SIK3: variants seen among roughly 807,000 people sequenced by gnomAD.
SIK3 encodes SIK family kinase 3.
In SIK3, 28 loss-of-function variants were observed where a neutral mutation model predicts 144.2. The ratio of observed to expected loss-of-function variants is 0.19; its 90% CI spans 0.14 to 0.27. The LOEUF is 0.27. Among genes scored for constraint, SIK3 ranks in the 10% least tolerant of loss-of-function variants. SIK3 has a pLI of 1.00. For missense variants in SIK3, 1,319 were observed against 1,776.0 expected, an observed-to-expected ratio of 0.74 and a Z score of 4.62; for synonymous variants, 686 against 676.3, an observed-to-expected ratio of 1.01 and a Z score of -0.22.
chr11:117,000,154 C>T (rs1159477314), intron 1 of SIK3, among the ~76,000 whole-genome samples: 1 of 152,114 alleles, frequency 6.6e-6, no homozygotes, highest in Non-Finnish European at 1.5e-5. Context: ...GGGCCTATTG[C>T]CCAACCTTAA....
chr11:116,990,108 G>T (rs10128624), intron 1 of SIK3, among the ~76,000 whole-genome samples: 1 of 152,132 alleles, frequency 6.6e-6, no homozygotes, highest in Non-Finnish European at 1.5e-5. Context: ...GTATTTCAGC[G>T]GGGTCGTCAT....
rs970180780 is a variant in SIK3 at position 116,867,018 on chromosome 11, A to T, written c.1952+928T>A. On this transcript the variant is annotated intron_variant, in intron 15 of 24. Transcript: ENST00000445177. The surrounding 1 kb of genome is among the most constrained non-coding windows in gnomAD (Gnocchi z 4.1). ...ATGGGTAACCAGCCTCAGTAAAAAA[A>T]ATGTGTCAAGCTTGCCAGTGCAAGC... 6.6e-6 allele frequency among the ~76,000 whole-genome samples: 1 copy of T among 152,206 alleles called. No individual in the cohort carries two copies. Among genetic ancestry groups the T allele is most frequent in the African/African-American group, 2.4e-5 (1 of 41,446 alleles).
chr11:117,074,171 A>G (rs1954401263), intron 1 of SIK3, among the ~76,000 whole-genome samples: 1 of 152,208 alleles, frequency 6.6e-6, no homozygotes, highest in Non-Finnish European at 1.5e-5. Flanking sequence ...CAATCAAACC[A>G]TAGTGCTCTG....
In SIK3 at chr11:116,961,472, T is replaced by C. The variant is rs1949345766; in HGVS notation, c.274-4408A>G. Among the ~76,000 whole-genome samples, 5 of 152,214 alleles carry C rather than the reference T, an allele frequency of 3.3e-5. No individual in the cohort carries two copies. In the South Asian group the frequency reaches 1.0e-3, roughly 31 times the overall value. Reference sequence around the variant, plus strand: ...CACAGCTACAGATTACTGAAGACTATATAATAAAGGTTTTGGTGTAAAGTA... The same window carrying C: ...CACAGCTACAGATTACTGAAGACTACATAATAAAGGTTTTGGTGTAAAGTA... On this transcript the variant is annotated intron_variant, in intron 1 of 24. Coordinates refer to ENST00000445177, the MANE Select transcript of SIK3 (RefSeq NM_001366686.3).
Position 116,966,156 on chromosome 11 carries a change from G to A in SIK3, c.274-9092C>T, listed in dbSNP as rs11607265. On this transcript the variant is annotated intron_variant, in intron 1 of 24. Coordinates refer to ENST00000445177, the MANE Select transcript of SIK3 (RefSeq NM_001366686.3). ...AAGTGGCATAATGACAAAATAGGCC[G>A]GCCTGGTGGCTCATGCTGTAATCCC... is the stretch of plus-strand genomic sequence containing the variant. 5.8e-3 allele frequency among the ~76,000 whole-genome samples: 876 copies of A among 152,196 alleles called. 11 individuals are homozygous for A. Among genetic ancestry groups the A allele is most frequent in the African/African-American group, 0.02 (837 of 41,526 alleles).
chr11:116,917,012 T>C (rs1312245164), intron 4 of SIK3, among the ~76,000 whole-genome samples: 1 of 152,026 alleles, frequency 6.6e-6, no homozygotes, highest in East Asian at 1.9e-4. Flanking sequence ...TAGAGAGCAA[T>C]GGTGTAATCA....
chr11:117,046,833 T>C (rs1374499370), intron 1 of SIK3, among the ~76,000 whole-genome samples: 6 of 152,076 alleles, frequency 3.9e-5, no homozygotes, highest in Non-Finnish European at 7.3e-5. Context: ...TGAGCCAAAA[T>C]CGCACCACTG....
At chr11:116,870,262 G>A (rs755446712) in intron 14 of SIK3, 69 bp downstream of exon 14, 104 of 1,602,122 alleles carry the variant, frequency 6.5e-5, no homozygotes, top group Non-Finnish European at 8.4e-5. Flanking sequence ...TTGGGCAGAG[G>A]TGACCTTTCG....
At chr11:117,073,594 T>C (rs184900118) in intron 1 of SIK3, among the ~76,000 whole-genome samples, 87 of 152,324 alleles carry the variant, frequency 5.7e-4, no homozygotes, top group Non-Finnish European at 9.0e-4. Flanking sequence ...GCAAGAATTA[T>C]ATGAAGTATA....
At chr11:117,027,832 G>C (rs1952084375) in intron 1 of SIK3, among the ~76,000 whole-genome samples, 1 of 152,118 alleles carries the variant, frequency 6.6e-6, no homozygotes, top group South Asian at 2.1e-4. Flanking sequence ...CAAGTGATGA[G>C]ACAATGGGAC....
chr11:116,888,197 T>C (rs1340348042), intron 6 of SIK3, among the ~76,000 whole-genome samples: 2 of 152,224 alleles, frequency 1.3e-5, no homozygotes, highest in Non-Finnish European at 1.5e-5. Context: ...TGCTGGAGTT[T>C]CTAGACCCTT....
intron 1 of SIK3, among the ~76,000 whole-genome samples, chr11:117,073,121 A>G (rs534833435): frequency 6.6e-6 from 1 of 152,330 alleles, no homozygotes; most frequent in South Asian, 2.1e-4. Flanking sequence ...ATATAGAAGG[A>G]CTTTAGAAAG....
rs532723727 is a variant in SIK3 at position 116,955,648 on chromosome 11, T to A, written c.390+1300A>T. ...AGATGATTTATTTTAAAAGGTAAGG[T>A]CAAGAAATTTATTCAGCCCATCAGG... On this transcript the variant is annotated intron_variant, in intron 2 of 24. Coordinates refer to ENST00000445177, the MANE Select transcript of SIK3 (RefSeq NM_001366686.3). Among the ~76,000 whole-genome samples, 55 of 152,204 alleles carry A rather than the reference T, an allele frequency of 3.6e-4. No homozygotes were observed. In the South Asian group the frequency reaches 8.1e-3, roughly 22 times the overall value.
chr11:116,869,319 A>G (rs1321881773), intron 14 of SIK3: 1 of 152,196 alleles, frequency 6.6e-6, no homozygotes, highest in African/African-American at 2.4e-5. Context: ...GCTCTCACAC[A>G]GAGCTACTGG....
At chr11:117,072,955 G>A (rs1269451101) in intron 1 of SIK3, among the ~76,000 whole-genome samples, 1 of 152,166 alleles carries the variant, frequency 6.6e-6, no homozygotes, top group East Asian at 1.9e-4. Flanking sequence ...CTAAGTCAAG[G>A]AGATTCTTAC....
At chr11:117,024,004 C>T (rs1305688472) in intron 1 of SIK3, among the ~76,000 whole-genome samples, 1 of 152,008 alleles carries the variant, frequency 6.6e-6, no homozygotes, top group Non-Finnish European at 1.5e-5. Flanking sequence ...TCACAAACCA[C>T]TATCTGCTCT....
At chr11:117,053,882 A>G (rs1024418522) in intron 1 of SIK3, among the ~76,000 whole-genome samples, 1 of 151,934 alleles carries the variant, frequency 6.6e-6, no homozygotes, top group African/African-American at 2.4e-5. Flanking sequence ...CCTGAGCTCA[A>G]GCAATCCTCC....
In SIK3 at chr11:116,915,153, T is replaced by TGTGTGTGTGC. The variant is rs1182331838; in HGVS notation, c.616+12065_616+12066insGCACACACAC. 1.5e-3 allele frequency among the ~76,000 whole-genome samples: 230 copies of TGTGTGTGTGC among 149,212 alleles called. 1 individual carries two copies. Among genetic ancestry groups the TGTGTGTGTGC allele is most frequent in the Middle Eastern group, 6.8e-3 (2 of 294 alleles). Reference sequence around the variant, plus strand: ...GTGTGTGTGTGTGTGTGTGTGTGTGTGTGTGTGTATGTGTATTTTTTCTTT... The same window carrying TGTGTGTGTGC: ...GTGTGTGTGTGTGTGTGTGTGTGTGTGTGTGTGTGCGTGTGTGTATGTGTATTTTTTCTTT... On this transcript the variant is annotated intron_variant, in intron 4 of 24. Transcript: ENST00000445177.
intron 1 of SIK3, among the ~76,000 whole-genome samples, chr11:117,023,176 A>G (rs2135751625): frequency 6.6e-6 from 1 of 152,222 alleles, no homozygotes; most frequent in South Asian, 2.1e-4. Context: ...AGGCCCAGAA[A>G]CCGATACCTC....
Sources: allele counts gnomAD v4.1 joint callset (sites outside exome capture counted in the v4.1 genomes callset), GRCh38; gene constraint gnomAD v4.1.1; non-coding constraint Gnocchi (gnomAD v3.1); transcripts MANE v1.5; gene names NCBI Gene and HGNC (gene_info 2026-07-23, HGNC 2026-07-21).